Variants in PTPRD observed in about 807,000 individuals in gnomAD.
PTPRD encodes the protein receptor-type tyrosine-protein phosphatase delta.
In PTPRD, 34 loss-of-function variants were observed where a neutral mutation model predicts 214.5. That is an observed-to-expected ratio of 0.16 (90% CI 0.12 to 0.21). The LOEUF is 0.21. Ranked by LOEUF, PTPRD falls within the 10% of genes least tolerant of loss-of-function variation. The pLI is 1.00. For synonymous variants in PTPRD, 1,128 were observed against 845.7 expected (o/e 1.33, Z -5.79); for missense variants, 2,545 against 2,398.7 (o/e 1.06, Z -1.27).
intron 9 of PTPRD, among the ~76,000 whole-genome samples, chr9:9,322,961 T>A (rs893904279): frequency 6.6e-6 from 1 of 152,156 alleles, no homozygotes; most frequent in East Asian, 1.9e-4. Flanking sequence ...TTCTGTTAGG[T>A]TTTTAAAAAT....
intron 9 of PTPRD, among the ~76,000 whole-genome samples, chr9:9,384,278 G>T (rs2140456821): frequency 7.6e-6 from 1 of 131,864 alleles, no homozygotes; most frequent in East Asian, 2.5e-4. Context: ...GTAAAATTTT[G>T]TGTGCAGTTT....
chr9:9,884,323 C>G (rs976208043), intron 5 of PTPRD, among the ~76,000 whole-genome samples: 2 of 152,062 alleles, frequency 1.3e-5, no homozygotes, highest in African/African-American at 4.8e-5. Context: ...TTATGATTTT[C>G]TTCCTACCCT....
intron 11 of PTPRD, among the ~76,000 whole-genome samples, chr9:8,884,994 G>A (rs1207080606): frequency 6.6e-6 from 1 of 152,192 alleles, no homozygotes; most frequent in Non-Finnish European, 1.5e-5. Flanking sequence ...GGAATACAAC[G>A]TAGAAATTTA....
chr9:8,730,165 A>G (rs539375680), intron 12 of PTPRD, among the ~76,000 whole-genome samples: 5 of 152,302 alleles, frequency 3.3e-5, no homozygotes, highest in Admixed American at 3.3e-4. Flanking sequence ...CTGAGACAGG[A>G]GAATGGCGTG....
chr9:10,412,210 A>G (rs2098442969), intron 2 of PTPRD, among the ~76,000 whole-genome samples: 1 of 151,774 alleles, frequency 6.6e-6, no homozygotes, highest in African/African-American at 2.4e-5. Context: ...CAAATAACAT[A>G]ATTAGAAATG....
chr9:9,513,259 G>C (rs1296196447), intron 8 of PTPRD, among the ~76,000 whole-genome samples: 1 of 151,966 alleles, frequency 6.6e-6, no homozygotes, highest in Non-Finnish European at 1.5e-5. Context: ...ATAAAACTAT[G>C]TAAGTGCTAA....
chr9:10,496,272 C>T (rs550028841), intron 2 of PTPRD, among the ~76,000 whole-genome samples: 7 of 151,938 alleles, frequency 4.6e-5, no homozygotes, highest in Non-Finnish European at 7.4e-5. Flanking sequence ...GACAAAAACA[C>T]ATTTAAGTAC....
intron 8 of PTPRD, among the ~76,000 whole-genome samples, chr9:9,562,621 C>G (rs957842259): frequency 1.3e-5 from 2 of 152,094 alleles, no homozygotes; most frequent in African/African-American, 4.8e-5. Context: ...TTTCAAGCCT[C>G]CTTTCAGCCT....
intron 4 of PTPRD, among the ~76,000 whole-genome samples, chr9:9,951,640 ATGTCGT>A (rs2093463518): frequency 6.6e-6 from 1 of 152,196 alleles, no homozygotes; most frequent in Non-Finnish European, 1.5e-5. Flanking sequence ...TTACAAGTTA[ATGTCGT>A]TCTCCTCAAC....
chr9:10,581,770 G>C (rs538124020), intron 2 of PTPRD, among the ~76,000 whole-genome samples: 4 of 151,962 alleles, frequency 2.6e-5, no homozygotes, highest in South Asian at 4.2e-4. Flanking sequence ...GGAATATAAG[G>C]GTATTAAATA....
chr9:8,335,341 C>T (rs959679139), intron 43 of PTPRD, among the ~76,000 whole-genome samples: 36 of 152,128 alleles, frequency 2.4e-4, no homozygotes, highest in Admixed American at 1.3e-3. Context: ...GTTCAACATA[C>T]ACAAATCAAT....
chr9:9,206,127 G>C (rs1005558022), intron 9 of PTPRD, among the ~76,000 whole-genome samples: 4 of 152,202 alleles, frequency 2.6e-5, no homozygotes, highest in African/African-American at 9.6e-5. Flanking sequence ...AAATTAGAAG[G>C]CTTGTGCCTA....
At chr9:8,934,069 G>T (rs1020250668) in intron 11 of PTPRD, among the ~76,000 whole-genome samples, 3 of 151,858 alleles carry the variant, frequency 2.0e-5, no homozygotes, top group East Asian at 1.9e-4. Flanking sequence ...TTTGGCCTCA[G>T]TCACCATCTA....
chr9:9,245,404 T>C (rs993580575), intron 9 of PTPRD, among the ~76,000 whole-genome samples: 11 of 151,990 alleles, frequency 7.2e-5, no homozygotes, highest in African/African-American at 1.9e-4. Context: ...ATTAAGAAAA[T>C]GTGGCACATA....
intron 3 of PTPRD, among the ~76,000 whole-genome samples, chr9:10,153,225 T>G (rs1203456747): frequency 6.6e-6 from 1 of 152,100 alleles, no homozygotes; most frequent in African/African-American, 2.4e-5. Context: ...TTGATTTAAT[T>G]ATACTGTAAT....
chr9:10,208,525 A>T (rs62538586), intron 3 of PTPRD, among the ~76,000 whole-genome samples: 1 of 152,160 alleles, frequency 6.6e-6, no homozygotes, highest in Non-Finnish European at 1.5e-5. Flanking sequence ...AAAAATAAAA[A>T]GACTAAAACC....
intron 36 of PTPRD, among the ~76,000 whole-genome samples, chr9:8,393,105 G>A (rs80024625): frequency 6.6e-6 from 1 of 152,110 alleles, no homozygotes; most frequent in Non-Finnish European, 1.5e-5. Flanking sequence ...TTTCTGCTGG[G>A]AGGCTGGATC....
intron 8 of PTPRD, among the ~76,000 whole-genome samples, chr9:9,531,714 C>T (rs532364322): frequency 2.6e-5 from 4 of 151,998 alleles, no homozygotes; most frequent in Admixed American, 6.6e-5. Context: ...GAAAATAGTG[C>T]TGCAATGAAT....
At chr9:8,371,224 G>C (rs1272859264) in intron 39 of PTPRD, among the ~76,000 whole-genome samples, 1 of 151,720 alleles carries the variant, frequency 6.6e-6, no homozygotes, top group East Asian at 1.9e-4. Context: ...CCAATATAAA[G>C]GGAAAAAAAT....
Sources: gnomAD v4.1 joint callset for allele counts (sites outside exome capture counted in the v4.1 genomes callset) on GRCh38, gnomAD v4.1.1 for gene constraint, MANE v1.5 for transcripts, NCBI Gene and HGNC (gene_info 2026-07-23, HGNC 2026-07-21) for gene names.